Variants in COL25A1 observed in about 807,000 individuals in gnomAD.
The protein encoded by COL25A1 is collagen alpha-1(XXV) chain.
COL25A1 carries 103 observed loss-of-function variants against 128.4 expected under a neutral mutation model. The observed-to-expected ratio is 0.80, with a 90% CI of 0.68 to 0.94. The LOEUF (loss-of-function observed/expected upper bound fraction) is 0.94, where lower values mean the gene tolerates loss of function less well. COL25A1 is among the 40% of genes least tolerant of loss of function. The probability of loss-of-function intolerance (pLI) is 0.00; values close to 1 mark genes in which losing one functional copy is unlikely to be tolerated. For missense variants in COL25A1, 745 were observed against 840.0 expected (o/e 0.89, Z 1.40); for synonymous variants, 279 against 277.2 (o/e 1.01, Z -0.06).
chr4:108,934,009 A>G (rs1207374491), intron 11 of COL25A1, among the ~76,000 whole-genome samples: 2 of 152,184 alleles, frequency 1.3e-5, no homozygotes, highest in African/African-American at 4.8e-5. Flanking sequence ...ATTATAAATC[A>G]TGCTACTATA....
chr4:108,983,757 T>C (rs1753303306), intron 6 of COL25A1, among the ~76,000 whole-genome samples: 1 of 149,530 alleles, frequency 6.7e-6, no homozygotes, highest in Admixed American at 6.7e-5. Context: ...GCGTCTGGAG[T>C]TGCTCGTTCC....
chr4:108,816,323 G>T (rs994937888), intron 37 of COL25A1, among the ~76,000 whole-genome samples: 2 of 152,090 alleles, frequency 1.3e-5, no homozygotes, highest in Non-Finnish European at 2.9e-5. Flanking sequence ...TAGGAGTCAG[G>T]TTTCCCATCT....
rs78788642 is a variant in COL25A1, at chr4:109,141,293, G to A, written c.368-91114C>T. Among the ~76,000 whole-genome samples the A allele has an allele frequency of 1.5e-3, 234 of 152,254 alleles. 1 individual carries two copies. Among genetic ancestry groups the A allele is most frequent in the African/African-American group, 4.9e-3 (205 of 41,552 alleles). ...TCCCAGAAATGAAGCCGACTTGATC[G>A]TGGTGGATAAGCTTTTTGATGTGCT... On this transcript the variant is annotated intron_variant, in intron 3 of 37. Coordinates refer to ENST00000399132, the MANE Select transcript of COL25A1 (RefSeq NM_198721.4).
chr4:108,979,946 A>ATGGAG, intron 6 of COL25A1, among the ~76,000 whole-genome samples: 1 of 152,172 alleles, frequency 6.6e-6, no homozygotes, highest in East Asian at 1.9e-4. Context: ...AGGCGATGGA[A>ATGGAG]GATGGAGGGA....
intron 37 of COL25A1, among the ~76,000 whole-genome samples, chr4:108,815,947 G>T (rs13114592): frequency 0.49 from 74,291 of 151,948 alleles, 19,150 homozygotes; most frequent in Middle Eastern, 0.64. Flanking sequence ...TGTGAAGTGT[G>T]CTAATGGCTG....
chr4:109,154,330 ATC>A (rs1159359088), intron 3 of COL25A1, among the ~76,000 whole-genome samples: 1 of 152,210 alleles, frequency 6.6e-6, no homozygotes, highest in Non-Finnish European at 1.5e-5. Context: ...AAAAACAACC[ATC>A]TGTCTTCTAC....
intron 3 of COL25A1, among the ~76,000 whole-genome samples, chr4:109,158,744 A>C (rs960242170): frequency 6.6e-6 from 1 of 152,228 alleles, no homozygotes; most frequent in African/African-American, 2.4e-5. Flanking sequence ...CTTTTAAAGA[A>C]AATACCCTAA....
At chr4:109,248,383 A>G (rs1215481489) in intron 3 of COL25A1, among the ~76,000 whole-genome samples, 1 of 152,176 alleles carries the variant, frequency 6.6e-6, no homozygotes, top group African/African-American at 2.4e-5. Flanking sequence ...AAGGAGGCTG[A>G]AATCTTCACT....
chr4:109,030,698 C>T (rs1369190266), intron 5 of COL25A1, among the ~76,000 whole-genome samples: 2 of 152,122 alleles, frequency 1.3e-5, no homozygotes, highest in Non-Finnish European at 2.9e-5. Context: ...AGTCAGGCTT[C>T]CAGGTGTACC....
intron 6 of COL25A1, among the ~76,000 whole-genome samples, chr4:108,982,831 G>C (rs1388406588): frequency 6.6e-6 from 1 of 152,062 alleles, no homozygotes; most frequent in Non-Finnish European, 1.5e-5. Flanking sequence ...AAGGTTTTTT[G>C]TGATGTCCAT....
intron 3 of COL25A1, among the ~76,000 whole-genome samples, chr4:109,167,488 G>A (rs1773183744): frequency 6.6e-6 from 1 of 152,090 alleles, no homozygotes; most frequent in Non-Finnish European, 1.5e-5. Flanking sequence ...TACTGTGCCA[G>A]GCATTGTTCT....
chr4:108,872,140 C>T (rs143153208), intron 19 of COL25A1, among the ~76,000 whole-genome samples: 1 of 152,242 alleles, frequency 6.6e-6, no homozygotes, highest in Admixed American at 6.5e-5. Context: ...ATAGGCCAGG[C>T]GTGGTGGCTC....
chr4:109,149,991 TATGTGTGG>T (rs912070360), intron 3 of COL25A1, among the ~76,000 whole-genome samples: 6 of 147,224 alleles, frequency 4.1e-5, no homozygotes, highest in African/African-American at 9.7e-5. Flanking sequence ...TGTATGTGTG[TATGTGTGG>T]GTGTGTGTGT....
At chr4:108,870,097 A>C (rs931540767) in intron 19 of COL25A1, among the ~76,000 whole-genome samples, 1 of 152,062 alleles carries the variant, frequency 6.6e-6, no homozygotes, top group African/African-American at 2.4e-5. Flanking sequence ...TGTACAAAAA[A>C]TATGAAAAAT....
intron 3 of COL25A1, among the ~76,000 whole-genome samples, chr4:109,218,361 T>TTTTTTTTTTTGTTTTTTG: frequency 7.6e-6 from 1 of 132,172 alleles, no homozygotes; most frequent in South Asian, 3.1e-4. Context: ...TTTGGGGTTT[T>TTTTTTTTTTTGTTTTTTG]TTTTTTTTTT....
Position 108,846,181 on chromosome 4 carries a change from A to G in COL25A1, c.1473T>C (p.Gly491=), listed in dbSNP as rs1735072107. The G allele has an allele frequency of 1.2e-6, 2 of 1,613,304 alleles. No homozygotes were observed. Among genetic ancestry groups the G allele is most frequent in the Non-Finnish European group, 1.7e-6 (2 of 1,179,270 alleles). ...CAATTCCTCCTTTTTCACCTGTCAT[A>G]CCTGGGTCCCCCATGTCTCCCTTTG... The part of the protein sequence containing the change: ...KGSKGDMGDP[G]MTGEKGGIGL... Residue 491 remains glycine (G), a synonymous_variant, in exon 28 of 38, where the codon GGT becomes GGC. Transcript: ENST00000399132.
At chr4:109,289,831 G>A (rs999296898) in intron 3 of COL25A1, among the ~76,000 whole-genome samples, 2 of 152,118 alleles carry the variant, frequency 1.3e-5, no homozygotes, top group Non-Finnish European at 1.5e-5. Context: ...TGCCAACCAC[G>A]GATCACGTTA....
intron 17 of COL25A1, 71 bp downstream of exon 17, chr4:108,889,630 G>T: frequency 7.4e-7 from 1 of 1,347,926 alleles, no homozygotes; most frequent in South Asian, 1.2e-5. Context: ...TAAAAAGGGA[G>T]AGAAAGTAGA....
At chr4:109,196,324 A>C (rs1376838750) in intron 3 of COL25A1, among the ~76,000 whole-genome samples, 1 of 152,188 alleles carries the variant, frequency 6.6e-6, no homozygotes, top group African/African-American at 2.4e-5. Context: ...AAAAGGAGAA[A>C]GTTTTCCACA....
Sources: gnomAD v4.1 joint callset for allele counts (sites outside exome capture counted in the v4.1 genomes callset) on GRCh38, gnomAD v4.1.1 for gene constraint, MANE v1.5 for transcripts, NCBI Gene and HGNC (gene_info 2026-07-23, HGNC 2026-07-21) for gene names.